SLC9A7: variants seen among roughly 807,000 people sequenced by gnomAD.
SLC9A7 encodes solute carrier family 9 member A7.
Under a neutral mutation model 52.6 loss-of-function variants are expected in SLC9A7, and 19 were observed. That is an observed-to-expected ratio of 0.36 (90% CI 0.25 to 0.53). The LOEUF is 0.53. Ranked by LOEUF, SLC9A7 falls within the 20% of genes least tolerant of loss-of-function variation. The pLI, the probability that SLC9A7 is intolerant of heterozygous loss-of-function variation, is 0.91. For synonymous variants in SLC9A7, 226 were observed against 252.1 expected (o/e 0.90, Z 0.98); for missense variants, 455 against 597.9 (o/e 0.76, Z 2.49).
chrX:46,668,975 G>A (rs184363183), intron 5 of SLC9A7, among the ~76,000 whole-genome samples: 24 of 110,377 alleles, frequency 2.2e-4, no homozygotes, highest in Middle Eastern at 4.7e-3. Flanking sequence ...AGACCATCCT[G>A]GCTAACACGG....
chrX:46,671,942 G>A, intron 4 of SLC9A7, among the ~76,000 whole-genome samples: 1 of 112,050 alleles, frequency 8.9e-6, no homozygotes. Flanking sequence ...CTCCTTGAGG[G>A]GGGATGTATC....
chrX:46,756,937 T>C (rs1480800495), intron 1 of SLC9A7, among the ~76,000 whole-genome samples: 2 of 112,104 alleles, frequency 1.8e-5, no homozygotes, highest in Non-Finnish European at 3.8e-5. Flanking sequence ...ATAAAGGTGA[T>C]TGAACTCCTC....
intron 3 of SLC9A7, among the ~76,000 whole-genome samples, chrX:46,674,667 C>T (rs1423527781): frequency 8.9e-6 from 1 of 111,800 alleles, no homozygotes; most frequent in Non-Finnish European, 1.9e-5. Flanking sequence ...CTTCGATTCC[C>T]ACTTCTCTTT....
At chrX:46,710,187 C>A (rs750657088) in intron 1 of SLC9A7, among the ~76,000 whole-genome samples, 1 of 112,373 alleles carries the variant, frequency 8.9e-6, no homozygotes, top group South Asian at 3.7e-4. Flanking sequence ...CAAATGATCT[C>A]TAAAGCCACA....
chrX:46,678,904 T>C (rs757842213), intron 3 of SLC9A7, among the ~76,000 whole-genome samples: 1 of 111,364 alleles, frequency 9.0e-6, no homozygotes, highest in Non-Finnish European at 1.9e-5. Flanking sequence ...ATTATGTGTG[T>C]GCATAGTTCC....
At chrX:46,748,364 A>AAAGGAAGGAAGGAAGGAAGGAAGGAAGG (rs57555325) in intron 1 of SLC9A7, among the ~76,000 whole-genome samples, 16 of 51,251 alleles carry the variant, frequency 3.1e-4, no homozygotes, top group East Asian at 1.8e-3. Flanking sequence ...AAAAAGAAAG[A>AAAGGAAGGAAGGAAGGAAGGAAGGAAGG]AAGGAAGGAA....
chrX:46,727,079 A>G (rs1218999160), intron 1 of SLC9A7, among the ~76,000 whole-genome samples: 1 of 111,821 alleles, frequency 8.9e-6, no homozygotes, highest in East Asian at 2.8e-4. Flanking sequence ...TATCAGCCCA[A>G]GCCTTCACTC....
Position 46,600,546 on chromosome X carries a change from C to T in SLC9A7, c.*6406G>A, listed in dbSNP as rs946060770. 1 of 111,918 alleles carries T rather than the reference C, an allele frequency of 8.9e-6. No homozygotes were observed. Among genetic ancestry groups the T allele is most frequent in the African/African-American group, 3.2e-5 (1 of 30,810 alleles). 9.2% of individuals were successfully genotyped at this position (111,918 alleles called of 1,213,427 possible). ...GGCTGCCTGTGTGTTCCATATGGGCCACGACTATAGTATACCCTGCTTACA... is the reference window on the plus strand; with the variant it reads ...GGCTGCCTGTGTGTTCCATATGGGCTACGACTATAGTATACCCTGCTTACA... On this transcript the variant is annotated 3_prime_UTR_variant, in exon 17 of 17. Transcript: ENST00000616978.
chrX:46,719,748 G>A (rs1944829749), intron 1 of SLC9A7, among the ~76,000 whole-genome samples: 1 of 110,994 alleles, frequency 9.0e-6, no homozygotes, highest in African/African-American at 3.3e-5. Flanking sequence ...GAAATTAGGG[G>A]GAGGGGGCCA....
intron 1 of SLC9A7, among the ~76,000 whole-genome samples, chrX:46,696,481 C>T (rs1473319235): frequency 2.7e-5 from 3 of 111,795 alleles, no homozygotes; most frequent in African/African-American, 9.8e-5. Context: ...TAATTCTATC[C>T]TGTGAAAGTG....
At chrX:46,676,327 G>A (rs1018682391) in intron 3 of SLC9A7, among the ~76,000 whole-genome samples, 2 of 111,775 alleles carry the variant, frequency 1.8e-5, no homozygotes, top group African/African-American at 6.5e-5. Flanking sequence ...AGAATTCATT[G>A]CTTGTTTGCT....
intron 1 of SLC9A7, among the ~76,000 whole-genome samples, chrX:46,721,306 A>T (rs1317220706): frequency 1.8e-5 from 2 of 111,794 alleles, no homozygotes; most frequent in Non-Finnish European, 3.8e-5. Context: ...AATTATCCAT[A>T]ATGGTAGAGA....
intron 14 of SLC9A7, among the ~76,000 whole-genome samples, chrX:46,623,671 C>G (rs1943079451): frequency 8.9e-6 from 1 of 111,848 alleles, no homozygotes; most frequent in African/African-American, 3.3e-5. Flanking sequence ...GTATCCTCAT[C>G]TGTAAACTGG....
intron 13 of SLC9A7, among the ~76,000 whole-genome samples, chrX:46,635,040 G>C (rs1378862958): frequency 2.7e-5 from 3 of 112,129 alleles, no homozygotes; most frequent in Non-Finnish European, 5.6e-5. Flanking sequence ...AACTGCATTA[G>C]AGGAATCTTT....
At chrX:46,629,338 G>A (rs1247996031) in intron 14 of SLC9A7, among the ~76,000 whole-genome samples, 2 of 112,203 alleles carry the variant, frequency 1.8e-5, no homozygotes, top group Non-Finnish European at 1.9e-5. Context: ...CCACCTGGGG[G>A]TGGGGGCTAT....
chrX:46,675,900 C>G (rs950471184), intron 3 of SLC9A7, among the ~76,000 whole-genome samples: 1 of 111,738 alleles, frequency 8.9e-6, no homozygotes, highest in African/African-American at 3.3e-5. Flanking sequence ...TGCAATGAAA[C>G]CTCTGTAAAA....
At chrX:46,652,313 G>A (rs1431123567) in intron 8 of SLC9A7, among the ~76,000 whole-genome samples, 1 of 110,682 alleles carries the variant, frequency 9.0e-6, no homozygotes, top group Non-Finnish European at 1.9e-5. Flanking sequence ...ACCACACCCA[G>A]CTAATTTTTG....
At chrX:46,758,639 G>A in intron 1 of SLC9A7, 66 bp downstream of exon 1, 4 of 745,459 alleles carry the variant, frequency 5.4e-6, no homozygotes, top group Non-Finnish European at 5.6e-6. Context: ...GGAGCACCGC[G>A]CGGCGCCAGG....
At chrX:46,688,561 C>T (rs2146885879) in intron 1 of SLC9A7, among the ~76,000 whole-genome samples, 1 of 103,682 alleles carries the variant, frequency 9.6e-6, no homozygotes, top group Non-Finnish European at 2.0e-5. Context: ...CGTGCCATTG[C>T]ACTCTAGCCT....
Sources: gnomAD v4.1 joint callset for allele counts (sites outside exome capture counted in the v4.1 genomes callset) on GRCh38, gnomAD v4.1.1 for gene constraint, MANE v1.5 for transcripts, NCBI Gene and HGNC (gene_info 2026-07-23, HGNC 2026-07-21) for gene names.